Variants in MUC5B observed in about 807,000 individuals in gnomAD.
MUC5B encodes mucin 5B, oligomeric mucus/gel-forming.
In MUC5B, 116 loss-of-function variants were observed where a neutral mutation model predicts 376.9. The observed-to-expected ratio is 0.31, with a 90% confidence interval of 0.26 to 0.36. The LOEUF is 0.36. Among genes scored for constraint, MUC5B ranks in the 10% least tolerant of loss-of-function variants. The pLI is 1.00. For missense variants in MUC5B, 7,165 were observed against 7,769.9 expected (o/e 0.92, Z 2.93); for synonymous variants, 3,517 against 3,390.9 (o/e 1.04, Z -1.29).
chr11:1,244,279 G>A lies in MUC5B; in HGVS notation c.7399G>A (p.Glu2467Lys). 6.2e-7 allele frequency: 1 copy of A among 1,608,296 alleles called. No individual in the cohort carries two copies. The highest frequency in any genetic ancestry group is 8.5e-7 in the Non-Finnish European group (1 of 1,177,864). ...STPGTTWILT[E>K]PSTTATVTVP... ...CCCAGGGACCACCTGGATCCTCACA[G>A]AGCCGAGCACTACAGCCACCGTGAC... The change falls in exon 31 of 49, where the codon GAG (glutamate) becomes AAG (lysine). Residue 2467 changes from glutamate to lysine, a missense_variant. This residue lies in a region of MUC5B where 194 missense variants were observed against 268.5 expected (regional missense o/e 0.72). Coordinates refer to ENST00000529681, the MANE Select transcript of MUC5B (RefSeq NM_002458.3).
rs1205217978 is a variant in MUC5B at position 1,243,313 on chromosome 11, T to C, written c.6433T>C (p.Ser2145Pro). 1.3e-6 allele frequency: 2 copies of C among 1,552,930 alleles called. No individual in the cohort carries two copies. Among genetic ancestry groups the C allele is most frequent in the Admixed American group, 3.9e-5 (2 of 50,830 alleles). ...GGCCACTACGATCACGGCCACCGGC[T>C]CCACCACCAACCCCTCCTCAACTCC... ...TTATTITATG[S>P]TTNPSSTPGT... Residue 2145 changes from serine (S) to proline (P), a missense_variant, in exon 31 of 49, where the codon TCC becomes CCC. Ser to Pro is a moderately conservative substitution (Grantham distance 74). Around this residue, in one of 31 missense-constraint regions of MUC5B, gnomAD observed 897 missense variants for 779.6 expected, o/e 1.15. Coordinates refer to ENST00000529681, the MANE Select transcript of MUC5B (RefSeq NM_002458.3).
chr11:1,247,217 C>T lies in MUC5B; in HGVS notation c.10337C>T (p.Pro3446Leu), dbSNP rs1242109246. Residue 3446 changes from proline to leucine, a missense_variant, in exon 31 of 49, where the codon CCA becomes CTA. Physicochemically the swap from Pro to Leu is moderately conservative, Grantham distance 98. Coordinates refer to ENST00000529681, the MANE Select transcript of MUC5B (RefSeq NM_002458.3). ...GCCCTAGGGACCACCCACACACCCCCAGTGCCGAACACCACGGCCACCACA... is the reference window on the plus strand; with the variant it reads ...GCCCTAGGGACCACCCACACACCCCTAGTGCCGAACACCACGGCCACCACA... The part of the protein sequence containing the change: ...SSALGTTHTP[P>L]VPNTTATTHG... 2 of 1,570,892 alleles carry T rather than the reference C, an allele frequency of 1.3e-6. No individual in the cohort carries two copies. Among genetic ancestry groups the T allele is most frequent in the Non-Finnish European group, 1.7e-6 (2 of 1,144,036 alleles).
intron 34 of MUC5B, among the ~76,000 whole-genome samples, 154 bp downstream of exon 34, chr11:1,254,505 G>A (rs1347853998): frequency 6.6e-6 from 1 of 152,204 alleles, no homozygotes; most frequent in Non-Finnish European, 1.5e-5. Context: ...GCCGCCTAAG[G>A]CCGAGCGCAC....
At position 1,234,828 on chromosome 11, in the gene MUC5B, G is replaced by T. The variant is rs1862119523; in HGVS notation, c.2630+148G>T. On this transcript the variant is annotated intron_variant, in intron 21 of 48. Transcript: ENST00000529681. The surrounding 1 kb of genome is among the most constrained non-coding windows in gnomAD (Gnocchi z 6.3). ...TGAGGTGGGGCCGTGGCAGGAGAGA[G>T]AGTTGCTAGGAAAGCCATGGGCCGT... is the stretch of plus-strand genomic sequence containing the variant. 2 of 1,142,478 alleles carry T rather than the reference G, an allele frequency of 1.8e-6. No individual in the cohort carries two copies. The highest frequency in any genetic ancestry group is 2.4e-6 in the Non-Finnish European group (2 of 830,028). 70.8% of individuals were successfully genotyped at this position (1,142,478 alleles called of 1,614,324 possible). A position where few individuals can be genotyped will look rare whatever the true frequency, so the allele number is the denominator to read the frequency against.
Position 1,231,407 on chromosome 11 carries a change from C to T in MUC5B, c.1541-16C>T. 1 of 1,603,088 alleles carries T rather than the reference C, an allele frequency of 6.2e-7. No homozygotes were observed. ...CCCTGCACCCCTGACCGGCCTCTCC[C>T]CCACACTCCCGGCAGCCAACATCAC... On this transcript the variant is annotated splice_polypyrimidine_tract_variant and intron_variant, in intron 13 of 48. Coordinates refer to ENST00000529681, the MANE Select transcript of MUC5B (RefSeq NM_002458.3).
Position 1,226,199 on chromosome 11 carries a change from C to A in MUC5B, c.128-6C>A. ...CGTTCCTGGGGTGACCAGCCTTCAC[C>A]CACAGGTGCCCCGACGTCCTCGCCC... is the stretch of plus-strand genomic sequence containing the variant. On this transcript the variant is annotated splice_region_variant and splice_polypyrimidine_tract_variant and intron_variant, in intron 2 of 48. Coordinates refer to ENST00000529681, the MANE Select transcript of MUC5B (RefSeq NM_002458.3). The A allele has an allele frequency of 6.5e-7, 1 of 1,549,040 alleles. No individual in the cohort carries two copies. The highest frequency in any genetic ancestry group is 2.4e-5 in the East Asian group (1 of 40,946).
rs1394877904 is a variant in MUC5B at position 1,246,792 on chromosome 11, C to T, written c.9912C>T (p.His3304=). The T allele has an allele frequency of 6.2e-7, 1 of 1,611,408 alleles. No individual in the cohort carries two copies. The highest frequency in any genetic ancestry group is 8.5e-7 in the Non-Finnish European group (1 of 1,178,602). Residue 3304 remains histidine, a synonymous_variant, in exon 31 of 49, where the codon CAC becomes CAT. Transcript: ENST00000529681. ...ATPSSTPGTA[H]TTKVPTTTTT... is the part of the protein sequence containing the mutation. ...CCTCCTCCACCCCAGGAACAGCTCA[C>T]ACTACCAAAGTGCCGACTACCACAA...
chr11:1,230,941 C>T lies in MUC5B; in HGVS notation c.1476C>T (p.Ile492=). The T allele has an allele frequency of 6.3e-7, 1 of 1,590,338 alleles. No individual in the cohort carries two copies. Among genetic ancestry groups the T allele is most frequent in the South Asian group, 1.1e-5 (1 of 87,134 alleles). ...TLSLDGGDTA[I]RVQADGGVFL... ...CCGCCCGCCTCCTTCCGCAGGCCAT[C>T]CGGGTCCAAGCGGACGGCGGCGTGT... The change falls in exon 13 of 49, where the codon ATC becomes ATT. Residue 492 remains isoleucine, a synonymous_variant. Coordinates refer to ENST00000529681, the MANE Select transcript of MUC5B (RefSeq NM_002458.3).
At chr11:1,227,471 C>T (rs905228046) in intron 6 of MUC5B, 73 bp downstream of exon 6, 21 of 1,224,806 alleles carry the variant, frequency 1.7e-5, no homozygotes, top group Admixed American at 9.8e-5. Flanking sequence ...CCGGGGAGGC[C>T]GGGAGGGGGC....
intron 1 of MUC5B, 99 bp from the exon 2 acceptor site, chr11:1,225,582 T>A (rs1218656505): frequency 9.9e-6 from 11 of 1,111,514 alleles, no homozygotes; most frequent in African/African-American, 1.6e-5. Context: ...GGACCCCACA[T>A]GCGGCTGCCG....
rs573901463 is a variant in MUC5B at position 1,244,164 on chromosome 11, C to G, written c.7284C>G (p.Ser2428=). The change falls in exon 31 of 49, where the codon TCC becomes TCG. Residue 2428 remains serine (S), a synonymous_variant. Transcript: ENST00000529681. ...CCAGCTCTACGGCCATGCCCTCCTC[C>G]ACTCCGGGGACGACCTGGATCCTCA... ...PATSSTAMPS[S]TPGTTWILTE... The G allele has an allele frequency of 1.2e-6, 2 of 1,613,208 alleles. No homozygotes were observed. Among genetic ancestry groups the G allele is most frequent in the Admixed American group, 1.7e-5 (1 of 59,984 alleles).
chr11:1,259,701 C>T (rs529081621), intron 44 of MUC5B, 55 bp from the exon 45 acceptor site: 37 of 1,582,462 alleles, frequency 2.3e-5, no homozygotes, highest in East Asian at 4.5e-5. Flanking sequence ...CAGGCTGGGC[C>T]GGGGCATGTG....
chr11:1,255,430 A>G lies in MUC5B; in HGVS notation c.15938A>G (p.Asn5313Ser). ...HNLVPPGPFF[N>S]ACISDHCRGR... The stretch of plus-strand genomic sequence containing the variant: ...CTTGTGCCCCCGGGCCCATTCTTCA[A>G]CGCCTGCATCAGCGACCACTGCAGG... The change falls in exon 37 of 49, where the codon AAC becomes AGC. Residue 5313 changes from asparagine to serine, a missense_variant. By Grantham distance (46) the Asn-to-Ser change is conservative (BLOSUM62 1). Transcript: ENST00000529681. 6.2e-7 allele frequency: 1 copy of G among 1,604,010 alleles called. No homozygotes were observed.
chr11:1,242,613 C>G lies in MUC5B; in HGVS notation c.5733C>G (p.Thr1911=). The change falls in exon 31 of 49, where the codon ACC becomes ACG. Residue 1911 remains threonine, a synonymous_variant. Transcript: ENST00000529681. ...CGACCTGGATCCTCACAAAGCCGAC[C>G]ACAACAGCCACTACGACTGCGTCCA... ...PGTTWILTKP[T]TTATTTASTG... is the part of the protein sequence containing the mutation. The G allele has an allele frequency of 6.2e-7, 1 of 1,613,804 alleles. No homozygotes were observed.
chr11:1,258,316 C>T lies in MUC5B; in HGVS notation c.16556-14C>T. ...CCCACCACTTGTCGAGGGCTTAGCT[C>T]CCTTTCCTTCCAGGACCTCAGCTGT... On this transcript the variant is annotated splice_polypyrimidine_tract_variant and intron_variant, in intron 42 of 48. Transcript: ENST00000529681. The surrounding 1 kb of genome is among the most constrained non-coding windows in gnomAD (Gnocchi z 5.5). 6.2e-7 allele frequency: 1 copy of T among 1,611,738 alleles called. No homozygotes were observed. Among genetic ancestry groups the T allele is most frequent in the Middle Eastern group, 1.7e-4 (1 of 6,056 alleles).
rs778169217 is a variant in MUC5B at position 1,246,389 on chromosome 11, C to T, written c.9509C>T (p.Thr3170Ile). The change falls in exon 31 of 49, where the codon ACA (threonine) becomes ATA (isoleucine). Residue 3170 changes from threonine (T) to isoleucine (I), a missense_variant. Transcript: ENST00000529681. ...TGGATCCTCACAGAGCCCAGCACTACAGCCACCGTGACGGTGCCCACCGGA... is the reference window on the plus strand; with the variant it reads ...TGGATCCTCACAGAGCCCAGCACTATAGCCACCGTGACGGTGCCCACCGGA... The part of the protein sequence containing the change: ...TTWILTEPST[T>I]ATVTVPTGST... 5.6e-6 allele frequency: 9 copies of T among 1,613,486 alleles called. No homozygotes were observed. Among genetic ancestry groups the T allele is most frequent in the African/African-American group, 5.3e-5 (4 of 74,848 alleles).
At chr11:1,230,207 C>A in intron 11 of MUC5B, 64 bp downstream of exon 11, 1 of 1,522,188 alleles carries the variant, frequency 6.6e-7, no homozygotes, top group Non-Finnish European at 8.8e-7. Context: ...GCCACTTCCA[C>A]CCAGGGGAGG....
At chr11:1,235,474 G>A (rs1862136644) in intron 23 of MUC5B, 61 bp downstream of exon 23, 1 of 1,416,236 alleles carries the variant, frequency 7.1e-7, no homozygotes. Flanking sequence ...GGCCCCCAGG[G>A]AAGCTTCGTG....
At chr11:1,231,112 C>T (rs1862018058) in intron 13 of MUC5B, 107 bp downstream of exon 13, 9 of 1,173,506 alleles carry the variant, frequency 7.7e-6, no homozygotes, top group Middle Eastern at 2.0e-4. Context: ...TCCGTGGCCT[C>T]GGGCAGCTCC....
Sources: allele counts gnomAD v4.1 joint callset (sites outside exome capture counted in the v4.1 genomes callset), GRCh38; gene constraint gnomAD v4.1.1; regional missense constraint gnomAD v4.1.1; non-coding constraint Gnocchi (gnomAD v3.1); transcripts MANE v1.5; gene names NCBI Gene and HGNC (gene_info 2026-07-23, HGNC 2026-07-21).